Variants in TSPAN5 observed in about 807,000 individuals in gnomAD.
TSPAN5 encodes tetraspanin-5.
Under a neutral mutation model 37.1 loss-of-function variants are expected in TSPAN5, and 10 were observed. That is an observed-to-expected ratio of 0.27 (90% CI 0.17 to 0.46). TSPAN5 has a LOEUF of 0.46. TSPAN5 is among the 20% of genes least tolerant of loss of function. The pLI is 1.00. For synonymous variants in TSPAN5, 110 were observed against 118.9 expected (o/e 0.93, Z 0.48); for missense variants, 195 against 326.6 (o/e 0.60, Z 3.11).
rs114454309 is a variant in TSPAN5 at position 98,642,951 on chromosome 4, G to A, written c.81+15195C>T. Among the ~76,000 whole-genome samples the A allele has an allele frequency of 2.8e-3, 433 of 152,308 alleles. 1 individual carries two copies. The highest frequency in any genetic ancestry group is 0.017 in the Middle Eastern group (5 of 294). ...ATAAAATAAAATGTGACAGTAAGCT[G>A]AGGTTAATTATTGAAGACAGATATT... is the stretch of plus-strand genomic sequence containing the variant. On this transcript the variant is annotated intron_variant, in intron 1 of 7. Transcript: ENST00000305798.
Position 98,515,512 on chromosome 4 carries a change from G to GCTCT in TSPAN5, c.82-7788_82-7785dup, listed in dbSNP as rs59536964. Among the ~76,000 whole-genome samples the GCTCT allele has an allele frequency of 4.9e-3, 714 of 146,804 alleles. 29 individuals carry two copies. In the East Asian group the frequency reaches 0.1, roughly 21 times the overall value. ...ATATACTAGTTCACAGTGATCAGAG[G>GCTCT]CTCTCTCTCTCTCTCTCTCTCTCCC... On this transcript the variant is annotated intron_variant, in intron 1 of 7. Coordinates refer to ENST00000305798, the MANE Select transcript of TSPAN5 (RefSeq NM_005723.4).
At position 98,631,068 on chromosome 4, in the gene TSPAN5, T is replaced by C. The variant is rs1756735365; in HGVS notation, c.81+27078A>G. On this transcript the variant is annotated intron_variant, in intron 1 of 7. Transcript: ENST00000305798. ...AGATGCCAGAACTTGAAAAAAATCA[T>C]GTAATTCTGATGACCTCATTTCACC... Among the ~76,000 whole-genome samples the C allele has an allele frequency of 2.0e-5, 3 of 152,212 alleles. No individual in the cohort carries two copies. The South Asian group carries it at 6.2e-4, about 32-fold the overall frequency.
chr4:98,610,607 C>T (rs72908131), intron 1 of TSPAN5, among the ~76,000 whole-genome samples: 22,912 of 152,172 alleles, frequency 0.15, 1,923 homozygotes, highest in Middle Eastern at 0.21. Flanking sequence ...AAAGAACTGG[C>T]GCTCAGCACG....
At chr4:98,615,863 T>C (rs1371399057) in intron 1 of TSPAN5, among the ~76,000 whole-genome samples, 2 of 152,052 alleles carry the variant, frequency 1.3e-5, no homozygotes, top group Admixed American at 6.6e-5. Flanking sequence ...CAGGTGGAAT[T>C]AAAGGAGAAA....
intron 1 of TSPAN5, among the ~76,000 whole-genome samples, chr4:98,605,324 T>C (rs892105669): frequency 6.6e-6 from 1 of 152,212 alleles, no homozygotes; most frequent in Non-Finnish European, 1.5e-5. Context: ...TAAGGTTCAA[T>C]TGTGGGGGCA....
chr4:98,606,677 G>A (rs557011620), intron 1 of TSPAN5, among the ~76,000 whole-genome samples: 11 of 152,258 alleles, frequency 7.2e-5, no homozygotes, highest in African/African-American at 2.2e-4. Context: ...TGCAATTATT[G>A]AACATATATG....
intron 1 of TSPAN5, among the ~76,000 whole-genome samples, chr4:98,614,416 T>A (rs1756271057): frequency 6.6e-6 from 1 of 152,024 alleles, no homozygotes; most frequent in Non-Finnish European, 1.5e-5. Context: ...AGCCAGGCTA[T>A]TTTACATATG....
intron 1 of TSPAN5, among the ~76,000 whole-genome samples, chr4:98,518,670 G>A (rs1258159178): frequency 6.6e-6 from 1 of 152,256 alleles, no homozygotes; most frequent in African/African-American, 2.4e-5. Context: ...CAGGGCTGGA[G>A]CAGAGAGAGC....
chr4:98,573,849 T>C (rs545327948), intron 1 of TSPAN5, among the ~76,000 whole-genome samples: 16 of 152,336 alleles, frequency 1.1e-4, no homozygotes, highest in African/African-American at 3.4e-4. Flanking sequence ...CAGGGAACAC[T>C]GAAGCATTTA....
In TSPAN5 at chr4:98,545,396, T is replaced by C. The variant is rs368867678; in HGVS notation, c.82-37668A>G. Among the ~76,000 whole-genome samples the C allele has an allele frequency of 9.5e-4, 144 of 152,368 alleles. 2 individuals are homozygous for C. Among genetic ancestry groups the C allele is most frequent in the African/African-American group, 3.3e-3 (136 of 41,584 alleles). On this transcript the variant is annotated intron_variant, in intron 1 of 7. Coordinates refer to ENST00000305798, the MANE Select transcript of TSPAN5 (RefSeq NM_005723.4). Reference sequence around the variant, plus strand: ...CCTATTTTTGCCTGAGCCAGTTTGATTGGGGTTTCTGTCACTTAGAGCTGA... The same window carrying C: ...CCTATTTTTGCCTGAGCCAGTTTGACTGGGGTTTCTGTCACTTAGAGCTGA...
At chr4:98,620,190 G>A (rs1257183479) in intron 1 of TSPAN5, among the ~76,000 whole-genome samples, 6 of 152,042 alleles carry the variant, frequency 3.9e-5, no homozygotes, top group Non-Finnish European at 8.8e-5. Context: ...TAGGTCATAA[G>A]AGGCCATGCA....
At position 98,484,408 on chromosome 4, in the gene TSPAN5, G is replaced by A. The variant is rs114977801; in HGVS notation, c.280-2233C>T. ...ACTACTTATCTCATACCTTCTGTTC[G>A]AAGATTATTCCAGGCAAGTTTTTAT... On this transcript the variant is annotated intron_variant, in intron 3 of 7. Coordinates refer to ENST00000305798, the MANE Select transcript of TSPAN5 (RefSeq NM_005723.4). The A allele has an allele frequency of 6.1e-3, 2,781 of 455,654 alleles. 65 individuals carry two copies. The highest frequency in any genetic ancestry group is 0.05 in the African/African-American group (2,504 of 50,112). The allele number at this position is 455,654 out of a possible 1,614,324, so 28.2% of individuals were successfully genotyped here. A position where few individuals can be genotyped will look rare whatever the true frequency, so the allele number is the denominator to read the frequency against.
Position 98,520,224 on chromosome 4 carries a change from C to T in TSPAN5, c.82-12496G>A, listed in dbSNP as rs182654496. Among the ~76,000 whole-genome samples the T allele has an allele frequency of 3.3e-3, 500 of 152,298 alleles. 9 individuals are homozygous for T. The Middle Eastern group carries it at 0.044, about 13-fold the overall frequency. ...GCCACCAAAGCCCATAGAGCAATTA[C>T]ACATTAAGTAGGGGAAGGGGCCAGC... On this transcript the variant is annotated intron_variant, in intron 1 of 7. Transcript: ENST00000305798.
intron 1 of TSPAN5, among the ~76,000 whole-genome samples, chr4:98,611,666 A>G (rs1440481818): frequency 6.6e-6 from 1 of 152,240 alleles, no homozygotes; most frequent in Non-Finnish European, 1.5e-5. Context: ...GACCAATCAT[A>G]GTTTCAATTG....
intron 1 of TSPAN5, among the ~76,000 whole-genome samples, chr4:98,586,051 T>TA (rs2110201300): frequency 1.3e-5 from 2 of 152,336 alleles, no homozygotes; most frequent in South Asian, 4.1e-4. Flanking sequence ...CCAGTGCTAT[T>TA]ACAACAAAGC....
At chr4:98,577,123 T>C (rs1411122001) in intron 1 of TSPAN5, among the ~76,000 whole-genome samples, 1 of 152,194 alleles carries the variant, frequency 6.6e-6, no homozygotes, top group African/African-American at 2.4e-5. Context: ...AATAACTGTT[T>C]TATATTCTGC....
At chr4:98,602,027 C>A (rs911466616) in intron 1 of TSPAN5, among the ~76,000 whole-genome samples, 4 of 152,068 alleles carry the variant, frequency 2.6e-5, no homozygotes, top group African/African-American at 9.7e-5. Flanking sequence ...CTTACATGGG[C>A]GTGGTTCATG....
chr4:98,557,771 G>A (rs932798849), intron 1 of TSPAN5, among the ~76,000 whole-genome samples: 1 of 152,166 alleles, frequency 6.6e-6, no homozygotes. Context: ...AAGTCATGTT[G>A]ACAGGATGTA....
At chr4:98,552,306 C>G (rs1268430803) in intron 1 of TSPAN5, among the ~76,000 whole-genome samples, 1 of 152,092 alleles carries the variant, frequency 6.6e-6, no homozygotes, top group African/African-American at 2.4e-5. Context: ...AACTTGTGAC[C>G]TACTGTTTTG....
Sources: gnomAD v4.1 joint callset for allele counts (sites outside exome capture counted in the v4.1 genomes callset) on GRCh38, gnomAD v4.1.1 for gene constraint, MANE v1.5 for transcripts, NCBI Gene and HGNC (gene_info 2026-07-23, HGNC 2026-07-21) for gene names.